Variants in ZNF559 observed in about 807,000 individuals in gnomAD.
ZNF559 encodes the protein putative protein product of Nbla00121.
ZNF559 carries 17 observed loss-of-function variants against 14.2 expected under a neutral mutation model. The observed-to-expected ratio is 1.20, with a 90% confidence interval of 0.82 to 1.80. The LOEUF (loss-of-function observed/expected upper bound fraction) is 1.80. Ranked by LOEUF, ZNF559 falls within the 40% of genes most tolerant of loss-of-function variation. ZNF559 has a pLI of 0.00. For missense variants in ZNF559, 740 were observed against 629.7 expected, an observed-to-expected ratio of 1.18 and a Z score of -1.88; for synonymous variants, 244 against 212.4, an observed-to-expected ratio of 1.15 and a Z score of -1.29.
intron 2 of ZNF559, among the ~76,000 whole-genome samples, chr19:9,332,761 CTCA>C (rs1479042222): frequency 6.6e-6 from 1 of 152,128 alleles, no homozygotes; most frequent in African/African-American, 2.4e-5. Context: ...GATTCTTTCT[CTCA>C]TCACTCATCC....
At chr19:9,327,164 G>C (rs988363111) in intron 2 of ZNF559, among the ~76,000 whole-genome samples, 1 of 152,144 alleles carries the variant, frequency 6.6e-6, no homozygotes, top group African/African-American at 2.4e-5. Context: ...ATCTATAAGT[G>C]ATACTTTGGC....
chr19:9,337,495 C>T (rs183461354), intron 2 of ZNF559, among the ~76,000 whole-genome samples: 2 of 152,246 alleles, frequency 1.3e-5, no homozygotes, highest in African/African-American at 2.4e-5. Flanking sequence ...CATTTCATGA[C>T]GATCTCATGG....
intron 1 of ZNF559, 54 bp downstream of exon 1, chr19:9,324,282 G>A (rs1313542071): frequency 1.3e-6 from 2 of 1,535,924 alleles, no homozygotes; most frequent in Non-Finnish European, 1.7e-6. Context: ...AGCCACGCGA[G>A]AGTAGAAGGG....
chr19:9,337,757 C>T, intron 2 of ZNF559, 39 bp from the exon 3 acceptor site: 1 of 1,377,414 alleles, frequency 7.3e-7, no homozygotes, highest in Non-Finnish European at 9.5e-7. Flanking sequence ...TGGCATAATA[C>T]TCTAGTGGCA....
Position 9,338,599 on chromosome 19 carries a change from T to G in ZNF559, c.33+17T>G, listed in dbSNP as rs186818189. On this transcript the variant is annotated intron_variant, in intron 4 of 6. Coordinates refer to ENST00000603380, the MANE Select transcript of ZNF559 (RefSeq NM_032497.3). ...TACTCTCAGGTAAGTAGGAAATTGC[T>G]TTTTCTGTAGAAGCATATGCTTCTT... is the stretch of plus-strand genomic sequence containing the variant. 6.3e-7 allele frequency: 1 copy of G among 1,591,926 alleles called. No homozygotes were observed. The highest frequency in any genetic ancestry group is 8.6e-7 in the Non-Finnish European group (1 of 1,159,974).
intron 2 of ZNF559, among the ~76,000 whole-genome samples, chr19:9,328,141 C>T (rs1475537914): frequency 6.6e-6 from 1 of 151,996 alleles, no homozygotes; most frequent in Admixed American, 6.6e-5. Flanking sequence ...TAATAAAGAC[C>T]TTGACTCCTA....
intron 2 of ZNF559, among the ~76,000 whole-genome samples, chr19:9,331,509 C>G (rs1456196060): frequency 7.2e-5 from 11 of 152,168 alleles, no homozygotes; most frequent in Non-Finnish European, 1.6e-4. Flanking sequence ...ATTCTTACAT[C>G]ACACAAAATA....
intron 2 of ZNF559, among the ~76,000 whole-genome samples, chr19:9,332,595 T>G (rs1362442678): frequency 1.3e-5 from 2 of 152,184 alleles, no homozygotes; most frequent in Non-Finnish European, 2.9e-5. Flanking sequence ...GGTCTAATAT[T>G]AGGTGAAGGC....
Position 9,324,236 on chromosome 19 carries a change from T to G in ZNF559, c.-206+8T>G. The stretch of plus-strand genomic sequence containing the variant: ...TTCCCGTTGGCGTCTGAGGTAAGTT[T>G]TTGTTTCTGGGCGGCGTTCGGTGGT... On this transcript the variant is annotated splice_region_variant and intron_variant, in intron 1 of 6. Coordinates refer to ENST00000603380, the MANE Select transcript of ZNF559 (RefSeq NM_032497.3). 1 of 1,536,068 alleles carries G rather than the reference T, an allele frequency of 6.5e-7. No individual in the cohort carries two copies. Among genetic ancestry groups the G allele is most frequent in the Non-Finnish European group, 8.7e-7 (1 of 1,146,878 alleles).
chr19:9,325,447 GAAGA>G (rs1401607258), intron 2 of ZNF559, among the ~76,000 whole-genome samples: 1 of 149,834 alleles, frequency 6.7e-6, no homozygotes. Flanking sequence ...GTTTCAAAAA[GAAGA>G]AAAAAAAACA....
intron 4 of ZNF559, 54 bp downstream of exon 4, chr19:9,338,636 G>T: frequency 2.2e-6 from 3 of 1,394,752 alleles, no homozygotes; most frequent in Non-Finnish European, 3.1e-6. Context: ...CTACCATGTA[G>T]ATGTGTTTTC....
At chr19:9,328,889 C>T (rs1321870202) in intron 2 of ZNF559, among the ~76,000 whole-genome samples, 1 of 152,096 alleles carries the variant, frequency 6.6e-6, no homozygotes, top group Non-Finnish European at 1.5e-5. Context: ...ATTACATAAG[C>T]CCTCCAGGTG....
At position 9,342,657 on chromosome 19, in the gene ZNF559, T is replaced by A. The variant is rs1261268037; in HGVS notation, c.1206T>A (p.Thr402=). 1.2e-6 allele frequency: 2 copies of A among 1,614,052 alleles called. No individual in the cohort carries two copies. The highest frequency in any genetic ancestry group is 2.7e-5 in the African/African-American group (2 of 74,920). ...NSSSFKSHMQ[T]HPGVKPYDCQ... ...CTTCCTTTAAAAGTCACATGCAGAC[T>A]CATCCTGGTGTAAAACCCTATGACT... Residue 402 remains threonine, a synonymous_variant, in exon 7 of 7, where the codon ACT becomes ACA. Coordinates refer to ENST00000603380, the MANE Select transcript of ZNF559 (RefSeq NM_032497.3).
At position 9,332,617 on chromosome 19, in the gene ZNF559, CTG is replaced by C. The variant is rs547614642; in HGVS notation, c.-119-5176_-119-5175del. 9.8e-4 allele frequency among the ~76,000 whole-genome samples: 149 copies of C among 152,274 alleles called. 1 individual carries two copies. The South Asian group carries it at 1.0e-2, about 10-fold the overall frequency. On this transcript the variant is annotated intron_variant, in intron 2 of 6. Transcript: ENST00000603380. ...TATTAGGTGAAGGCTTGGTGAAAGTCTGTGGATGGATTCATCACTGTGAATTC... is the reference window on the plus strand; with the variant it reads ...TATTAGGTGAAGGCTTGGTGAAAGTCTGGATGGATTCATCACTGTGAATTC...
In ZNF559 at chr19:9,324,731, C is replaced by A; in HGVS notation, c.-169C>A. 6.5e-7 allele frequency: 1 copy of A among 1,535,680 alleles called. No individual in the cohort carries two copies. Among genetic ancestry groups the A allele is most frequent in the Non-Finnish European group, 8.7e-7 (1 of 1,146,802 alleles). On this transcript the variant is annotated 5_prime_UTR_variant, in exon 2 of 7. Transcript: ENST00000603380. ...CTGCCTTCCTGTTCACGGTGACCTT[C>A]GCTTGGTGTCCTCCTGGCCTCAGCA...
chr19:9,328,861 T>A (rs191247637), intron 2 of ZNF559, among the ~76,000 whole-genome samples: 51 of 152,324 alleles, frequency 3.3e-4, no homozygotes, highest in Non-Finnish European at 6.2e-4. Flanking sequence ...AATGGATACT[T>A]CTTCTTGGTG....
intron 4 of ZNF559, 22 bp from the exon 5 acceptor site, chr19:9,339,171 C>T (rs372727955): frequency 6.2e-7 from 1 of 1,612,896 alleles, no homozygotes; most frequent in Non-Finnish European, 8.5e-7. Context: ...TGCCTGACGC[C>T]AGCATGTGTG....
chr19:9,328,078 A>G (rs944644049), intron 2 of ZNF559, among the ~76,000 whole-genome samples: 4 of 152,136 alleles, frequency 2.6e-5, no homozygotes, highest in Non-Finnish European at 5.9e-5. Context: ...TATTCCTATT[A>G]CAAACTTAAG....
chr19:9,327,236 G>GT (rs1247662892), intron 2 of ZNF559, among the ~76,000 whole-genome samples: 112 of 101,602 alleles, frequency 1.1e-3, no homozygotes, highest in African/African-American at 3.2e-3. Flanking sequence ...GTTTTGTTTT[G>GT]TTTTGTTTTT....
Sources: gnomAD v4.1 joint callset for allele counts (sites outside exome capture counted in the v4.1 genomes callset) on GRCh38, gnomAD v4.1.1 for gene constraint, MANE v1.5 for transcripts, NCBI Gene and HGNC (gene_info 2026-07-23, HGNC 2026-07-21) for gene names.